Variants in PPP1R1C observed in about 807,000 individuals in gnomAD.
PPP1R1C encodes protein phosphatase 1 regulatory inhibitor subunit 1C.
Under a neutral mutation model 17.4 loss-of-function variants are expected in PPP1R1C, and 15 were observed. That is an observed-to-expected ratio of 0.86 (90% confidence interval 0.58 to 1.33). PPP1R1C has a LOEUF of 1.33. PPP1R1C is among the 40% of genes most tolerant of loss of function. The pLI is 0.00. For synonymous variants in PPP1R1C, 35 were observed against 43.1 expected, an observed-to-expected ratio of 0.81 and a Z score of 0.73; for missense variants, 143 against 130.0, an observed-to-expected ratio of 1.10 and a Z score of -0.48.
At chr2:182,005,999 A>G (rs542982052) in intron 2 of PPP1R1C, among the ~76,000 whole-genome samples, 1 of 152,182 alleles carries the variant, frequency 6.6e-6, no homozygotes, top group Non-Finnish European at 1.5e-5. Context: ...ACAGTAAATA[A>G]AACATTAATA....
chr2:182,035,349 T>A (rs1349854911), intron 2 of PPP1R1C, among the ~76,000 whole-genome samples: 2 of 152,256 alleles, frequency 1.3e-5, no homozygotes, highest in African/African-American at 4.8e-5. Flanking sequence ...ACTATTTAAT[T>A]CTCAATTTTT....
intron 3 of PPP1R1C, among the ~76,000 whole-genome samples, 169 bp downstream of exon 3, chr2:182,061,648 G>A (rs1017815694): frequency 6.6e-6 from 1 of 152,036 alleles, no homozygotes; most frequent in East Asian, 1.9e-4. Context: ...CTGCCTCTCA[G>A]TTACCTTTAT....
At chr2:182,068,866 A>G (rs1188252924) in intron 4 of PPP1R1C, among the ~76,000 whole-genome samples, 1 of 152,166 alleles carries the variant, frequency 6.6e-6, no homozygotes, top group Non-Finnish European at 1.5e-5. Flanking sequence ...AACATAGGTA[A>G]ATTAACCATG....
upstream of PPP1R1C, among the ~76,000 whole-genome samples, chr2:181,982,608 A>C (rs1440312704): frequency 2.6e-5 from 4 of 152,166 alleles, no homozygotes; most frequent in African/African-American, 4.8e-5. Context: ...GGAGAATCTG[A>C]AGGTCTCTTT....
At chr2:182,002,702 A>G (rs1034267935) in intron 2 of PPP1R1C, among the ~76,000 whole-genome samples, 1 of 152,150 alleles carries the variant, frequency 6.6e-6, no homozygotes, top group Non-Finnish European at 1.5e-5. Context: ...GATTTTCATG[A>G]CATTGTTTAT....
intron 1 of PPP1R1C, among the ~76,000 whole-genome samples, chr2:181,966,901 G>A (rs895797926): frequency 1.3e-5 from 2 of 152,044 alleles, no homozygotes; most frequent in East Asian, 1.9e-4. Context: ...TTCTTTAATT[G>A]TTTGGTAATA....
chr2:182,006,200 G>C (rs1000282192), intron 2 of PPP1R1C, among the ~76,000 whole-genome samples: 2 of 151,906 alleles, frequency 1.3e-5, no homozygotes, highest in Non-Finnish European at 2.9e-5. Context: ...AGAGAATTTG[G>C]GTTAATTTTA....
intron 2 of PPP1R1C, among the ~76,000 whole-genome samples, chr2:182,052,276 A>G (rs1470019774): frequency 2.0e-5 from 3 of 152,230 alleles, no homozygotes. Context: ...CATCAGATTA[A>G]AAAAGTGTCA....
At chr2:181,954,665 C>A (rs1684641132) in intron 1 of PPP1R1C, 1 of 152,126 alleles carries the variant, frequency 6.6e-6, no homozygotes, top group Non-Finnish European at 1.5e-5. Context: ...ATTTCTATTT[C>A]CTACAGACTT....
chr2:182,076,417 C>T (rs561121710), intron 4 of PPP1R1C, among the ~76,000 whole-genome samples: 1 of 150,976 alleles, frequency 6.6e-6, no homozygotes, highest in Non-Finnish European at 1.5e-5. Context: ...AAGAGAAATC[C>T]TCTCCTACTG....
chr2:182,084,707 G>C (rs1041415930), intron 4 of PPP1R1C, among the ~76,000 whole-genome samples: 3 of 152,072 alleles, frequency 2.0e-5, no homozygotes, highest in Non-Finnish European at 4.4e-5. Context: ...GATGCCACCA[G>C]ATTTGTTCAT....
intron 4 of PPP1R1C, among the ~76,000 whole-genome samples, chr2:182,091,158 A>G (rs1688768409): frequency 6.6e-6 from 1 of 152,210 alleles, no homozygotes; most frequent in Non-Finnish European, 1.5e-5. Context: ...AAGCAGAAAA[A>G]CAGAGCACAA....
chr2:182,056,468 G>A (rs1262321276), intron 2 of PPP1R1C, among the ~76,000 whole-genome samples: 1 of 152,170 alleles, frequency 6.6e-6, no homozygotes, highest in South Asian at 2.1e-4. Context: ...TTCAAAGAAT[G>A]AATTTACAAG....
intron 2 of PPP1R1C, among the ~76,000 whole-genome samples, chr2:182,051,091 A>G (rs1687502409): frequency 6.6e-6 from 1 of 152,244 alleles, no homozygotes; most frequent in Admixed American, 6.5e-5. Flanking sequence ...CATGGAGGAA[A>G]TTGATGGAGA....
chr2:181,965,317 C>A (rs1346046141), intron 1 of PPP1R1C, among the ~76,000 whole-genome samples: 1 of 152,110 alleles, frequency 6.6e-6, no homozygotes, highest in African/African-American at 2.4e-5. Flanking sequence ...TCCTATTTAT[C>A]CATTTTTGCT....
At chr2:181,981,489 A>C (rs1336152202), upstream of PPP1R1C, among the ~76,000 whole-genome samples, 1 of 152,214 alleles carries the variant, frequency 6.6e-6, no homozygotes, top group Non-Finnish European at 1.5e-5. Flanking sequence ...ATGGCTAATA[A>C]TTTCCATGGG....
At chr2:182,101,462 TTTC>T (rs1210587616) in intron 4 of PPP1R1C, among the ~76,000 whole-genome samples, 1 of 152,208 alleles carries the variant, frequency 6.6e-6, no homozygotes, top group African/African-American at 2.4e-5. Flanking sequence ...CTAGTGGTGA[TTTC>T]TTTTTACTGC....
At chr2:182,019,027 A>G (rs1425016289) in intron 2 of PPP1R1C, among the ~76,000 whole-genome samples, 1 of 152,196 alleles carries the variant, frequency 6.6e-6, no homozygotes, top group African/African-American at 2.4e-5. Flanking sequence ...ATTATAATAT[A>G]TTAAACACAG....
intron 4 of PPP1R1C, among the ~76,000 whole-genome samples, chr2:182,065,071 A>T (rs1484613387): frequency 6.6e-6 from 1 of 152,126 alleles, no homozygotes; most frequent in Non-Finnish European, 1.5e-5. Context: ...GTTCTCAAAT[A>T]TCAAAAGAAT....
Sources: gnomAD v4.1 joint callset for allele counts (sites outside exome capture counted in the v4.1 genomes callset) on GRCh38, gnomAD v4.1.1 for gene constraint, MANE v1.5 for transcripts, NCBI Gene and HGNC (gene_info 2026-07-23, HGNC 2026-07-21) for gene names.